The following CPED1 variants were observed in gnomAD, a reference collection of about 807,000 sequenced individuals.
CPED1 encodes cadherin-like and PC-esterase domain-containing protein 1.
CPED1 carries 114 observed loss-of-function variants against 128.2 expected under a neutral mutation model. The ratio of observed to expected loss-of-function variants is 0.89; its 90% confidence interval spans 0.76 to 1.04. CPED1 has a LOEUF of 1.04. CPED1 is among the 50% of genes least tolerant of loss of function. The pLI is 0.00. For synonymous variants in CPED1, 462 were observed against 426.7 expected, an observed-to-expected ratio of 1.08 and a Z score of -1.02; for missense variants, 1,211 against 1,207.1, an observed-to-expected ratio of 1.00 and a Z score of -0.05.
At chr7:121,131,112 C>G (rs1795654580) in intron 12 of CPED1, among the ~76,000 whole-genome samples, 1 of 152,100 alleles carries the variant, frequency 6.6e-6, no homozygotes, top group South Asian at 2.1e-4. Flanking sequence ...TGCAGTCACC[C>G]TAGGCCATGG....
intron 21 of CPED1, among the ~76,000 whole-genome samples, chr7:121,270,783 T>A (rs148482251): frequency 1.3e-5 from 2 of 152,148 alleles, no homozygotes; most frequent in Admixed American, 1.3e-4. Flanking sequence ...TGTAGCCTTA[T>A]AGTATAGCCT....
At chr7:121,025,412 C>T (rs1393857109) in intron 3 of CPED1, among the ~76,000 whole-genome samples, 1 of 152,018 alleles carries the variant, frequency 6.6e-6, no homozygotes, top group Non-Finnish European at 1.5e-5. Context: ...TAGATTTGGG[C>T]GTGAGTAGAA....
intron 16 of CPED1, among the ~76,000 whole-genome samples, chr7:121,227,263 T>C (rs1798036242): frequency 6.6e-6 from 1 of 152,014 alleles, no homozygotes; most frequent in South Asian, 2.1e-4. Context: ...TCCATCCGTT[T>C]CTTCTCCTTC....
intron 5 of CPED1, among the ~76,000 whole-genome samples, chr7:121,081,405 T>C (rs1794290725): frequency 2.0e-5 from 3 of 152,188 alleles, no homozygotes; most frequent in Non-Finnish European, 4.4e-5. Context: ...GTGTGCTCCT[T>C]TCTGGGAGAG....
intron 22 of CPED1, among the ~76,000 whole-genome samples, chr7:121,283,898 C>T (rs73717492): frequency 2.0e-4 from 31 of 152,238 alleles, no homozygotes; most frequent in Non-Finnish European, 3.7e-4. Flanking sequence ...TTCCAAAGCC[C>T]GGGCTCCAAT....
intron 21 of CPED1, among the ~76,000 whole-genome samples, chr7:121,267,916 C>T (rs1792162937): frequency 6.6e-6 from 1 of 151,800 alleles, no homozygotes; most frequent in African/African-American, 2.4e-5. Flanking sequence ...ATTTTTATGT[C>T]TCTGTTGAGT....
At chr7:121,061,273 C>T (rs1194209303) in intron 4 of CPED1, 1 of 714,092 alleles carries the variant, frequency 1.4e-6, no homozygotes, top group Non-Finnish European at 1.7e-6. Flanking sequence ...TGGAAATATC[C>T]TAGGGTTTAA....
intron 2 of CPED1, among the ~76,000 whole-genome samples, chr7:121,006,362 G>A (rs1293225622): frequency 2.6e-5 from 4 of 152,064 alleles, no homozygotes; most frequent in African/African-American, 9.7e-5. Flanking sequence ...AGGGCAATAA[G>A]AAACCTCATA....
chr7:121,148,149 T>A (rs1205011737), intron 16 of CPED1, among the ~76,000 whole-genome samples: 1 of 152,200 alleles, frequency 6.6e-6, no homozygotes, highest in Non-Finnish European at 1.5e-5. Context: ...TTACCTTGCC[T>A]ACTTCAATTT....
intron 2 of CPED1, among the ~76,000 whole-genome samples, chr7:121,000,185 T>C (rs554769132): frequency 5.3e-5 from 8 of 152,302 alleles, no homozygotes; most frequent in African/African-American, 1.7e-4. Context: ...TAGATATTTT[T>C]TCCAAGGGAT....
intron 9 of CPED1, among the ~76,000 whole-genome samples, chr7:121,126,220 C>T (rs776760561): frequency 1.3e-5 from 2 of 151,484 alleles, no homozygotes; most frequent in East Asian, 3.9e-4. Flanking sequence ...GATTATCTGG[C>T]GTATTCACAT....
intron 7 of CPED1, among the ~76,000 whole-genome samples, chr7:121,110,105 A>G (rs17626220): frequency 0.43 from 65,349 of 152,006 alleles, 15,551 homozygotes; most frequent in East Asian, 0.84. Flanking sequence ...TACAAACTCT[A>G]TGACCTTAGA....
chr7:121,236,953 C>G, intron 17 of CPED1, 122 bp downstream of exon 17: 1 of 474,904 alleles, frequency 2.1e-6, no homozygotes, highest in Non-Finnish European at 3.7e-6. Flanking sequence ...TGACAATGAA[C>G]TATAAAGCAT....
At chr7:121,196,151 C>T (rs1158634252) in intron 16 of CPED1, among the ~76,000 whole-genome samples, 1 of 151,916 alleles carries the variant, frequency 6.6e-6, no homozygotes, top group Non-Finnish European at 1.5e-5. Flanking sequence ...ATGTGGAGAG[C>T]AGGAAGGAAT....
rs138393698 is a variant in CPED1 at position 121,266,373 on chromosome 7, C to T, written c.2457C>T (p.Ser819=). Residue 819 remains serine (S), a synonymous_variant, in exon 19 of 23, where the codon TCC becomes TCT. Transcript: ENST00000310396. The part of the protein sequence containing the change: ...VNGGKTLISY[S]YYPQFWISPS... ...GTGGGAAGACTTTGATCAGTTATTCCTACTATCCCCAGTTCTGGATAAGCC... is the reference window on the plus strand; with the variant it reads ...GTGGGAAGACTTTGATCAGTTATTCTTACTATCCCCAGTTCTGGATAAGCC... 11 of 1,613,058 alleles carry T rather than the reference C, an allele frequency of 6.8e-6. No individual in the cohort carries two copies. The African/African-American group carries it at 1.1e-4, about 16-fold the overall frequency.
intron 7 of CPED1, among the ~76,000 whole-genome samples, chr7:121,101,946 G>A (rs1181877309): frequency 6.6e-6 from 1 of 152,022 alleles, no homozygotes; most frequent in African/African-American, 2.4e-5. Flanking sequence ...GATTTGGAGG[G>A]GGCAAATATC....
Position 121,064,310 on chromosome 7 carries a change from C to A in CPED1, c.613C>A (p.Pro205Thr). 1.9e-6 allele frequency: 3 copies of A among 1,609,400 alleles called. No individual in the cohort carries two copies. Among genetic ancestry groups the A allele is most frequent in the Non-Finnish European group, 2.6e-6 (3 of 1,175,974 alleles). Residue 205 changes from proline to threonine, a missense_variant, in exon 5 of 23, where the codon CCA (proline) becomes ACA (threonine). Physicochemically the swap from Pro to Thr is conservative, Grantham distance 38 (BLOSUM62 -1). Transcript: ENST00000310396. The part of the protein sequence containing the change: ...EGLCQIVRRF[P>T]ELQLPVSPSV... Reference sequence around the variant, plus strand: ...ATTATGTCAAATAGTTAGAAGATTCCCAGGTAATCTTTCGTTTGCTTCCTT... The same window carrying A: ...ATTATGTCAAATAGTTAGAAGATTCACAGGTAATCTTTCGTTTGCTTCCTT...
intron 16 of CPED1, among the ~76,000 whole-genome samples, chr7:121,199,697 A>AAAAAAAAAAAAAAAAAAAAAAAAG (rs1797350348): frequency 2.4e-5 from 1 of 41,758 alleles, no homozygotes; most frequent in African/African-American, 9.5e-5. Context: ...AAAAAAAAAA[A>AAAAAAAAAAAAAAAAAAAAAAAAG]AAAGAAAGAA....
intron 18 of CPED1, among the ~76,000 whole-genome samples, chr7:121,255,602 T>C (rs1791818880): frequency 6.6e-6 from 1 of 151,758 alleles, no homozygotes; most frequent in African/African-American, 2.4e-5. Context: ...GGCATCAAAA[T>C]AGGAAAAAAA....
Sources: allele counts gnomAD v4.1 joint callset (sites outside exome capture counted in the v4.1 genomes callset), GRCh38; gene constraint gnomAD v4.1.1; transcripts MANE v1.5; gene names NCBI Gene and HGNC (gene_info 2026-07-23, HGNC 2026-07-21).